OR1J2: variants seen among roughly 807,000 people sequenced by gnomAD.
The protein encoded by OR1J2 is olfactory receptor 1J2.
For missense variants in OR1J2, 304 were observed against 246.1 expected (o/e 1.24, Z -1.57); for synonymous variants, 142 against 99.7 (o/e 1.42, Z -2.52).
chr9:122,495,849 C>CT, the OR1J2 span, among the ~76,000 whole-genome samples: 2 of 152,096 alleles, frequency 1.3e-5, no homozygotes, highest in Non-Finnish European at 2.9e-5. Flanking sequence ...TCAAGGGCTG[C>CT]TGTTCAGATT....
At position 122,511,576 on chromosome 9, in the gene OR1J2, T is replaced by A; in HGVS notation, c.775T>A (p.Tyr259Asn). 1.3e-6 allele frequency: 1 copy of A among 781,104 alleles called. No individual in the cohort carries two copies. The allele number at this position is 781,104 out of a possible 1,614,324, so 48.4% of individuals were successfully genotyped here. A position where few individuals can be genotyped will look rare whatever the true frequency, so the allele number is the denominator to read the frequency against. Residue 259 changes from tyrosine (Y) to asparagine (N), a missense_variant, in exon 1 of 1, where the codon TAC becomes AAC. Physicochemically the swap from Tyr to Asn is moderately radical, Grantham distance 143. Coordinates refer to ENST00000335302, the MANE Select transcript of OR1J2 (RefSeq NM_054107.1). ...SLYYGSIFGQ[Y>N]LFPTVSSSID... The stretch of plus-strand genomic sequence containing the variant: ...CTATTATGGGTCAATATTTGGCCAG[T>A]ACCTTTTCCCGACTGTAAGCAGTTC...
At chr9:122,478,127 T>C in the OR1J2 span, among the ~76,000 whole-genome samples, 1 of 152,214 alleles carries the variant, frequency 6.6e-6, no homozygotes, top group African/African-American at 2.4e-5. Context: ...ATAGCTACTT[T>C]CTTTCTGAAT....
At chr9:122,507,964 G>A (rs546660379), upstream of OR1J2, among the ~76,000 whole-genome samples, 5 of 152,160 alleles carry the variant, frequency 3.3e-5, no homozygotes, top group South Asian at 2.1e-4. Flanking sequence ...TCTGAGATTC[G>A]CAAGAGTTAA....
chr9:122,484,655 A>C, the OR1J2 span, among the ~76,000 whole-genome samples: 5 of 152,136 alleles, frequency 3.3e-5, no homozygotes, highest in African/African-American at 1.2e-4. Context: ...CCATTTAAAG[A>C]AGGGGCAAAA....
the OR1J2 span, among the ~76,000 whole-genome samples, chr9:122,492,147 TCCTC>T: frequency 3.9e-5 from 6 of 152,036 alleles, no homozygotes; most frequent in Non-Finnish European, 8.8e-5. Context: ...AACTGTTGCC[TCCTC>T]CCTCCCTCCC....
At chr9:122,567,592 C>CT in the OR1J2 span, 1 of 1,607,750 alleles carries the variant, frequency 6.2e-7, no homozygotes, top group Non-Finnish European at 8.5e-7. Context: ...TGTTTCAGGT[C>CT]TTTGTTTCTC....
At chr9:122,497,296 C>G in the OR1J2 span, among the ~76,000 whole-genome samples, 4 of 152,318 alleles carry the variant, frequency 2.6e-5, no homozygotes, top group Non-Finnish European at 5.9e-5. Flanking sequence ...GCTTCTCTGT[C>G]CATCAGAGTG....
chr9:122,514,731 C>G (rs1437140167), downstream of OR1J2, among the ~76,000 whole-genome samples: 1 of 152,186 alleles, frequency 6.6e-6, no homozygotes, highest in Admixed American at 6.5e-5. Flanking sequence ...AGAAAAATCT[C>G]TATAGACATC....
the OR1J2 span, among the ~76,000 whole-genome samples, chr9:122,455,242 A>C: frequency 3.9e-5 from 6 of 152,334 alleles, no homozygotes; most frequent in African/African-American, 1.4e-4. Context: ...ATCTAGGGGT[A>C]GAGTTGCTAG....
the OR1J2 span, among the ~76,000 whole-genome samples, chr9:122,453,954 TG>T: frequency 6.6e-6 from 1 of 152,160 alleles, no homozygotes; most frequent in Non-Finnish European, 1.5e-5. Context: ...AGTGCTACAG[TG>T]AATCAGCATG....
At chr9:122,492,750 A>G in the OR1J2 span, among the ~76,000 whole-genome samples, 1 of 152,282 alleles carries the variant, frequency 6.6e-6, no homozygotes, top group African/African-American at 2.4e-5. Flanking sequence ...ACTATGTTGA[A>G]TAGAAGTGAT....
the OR1J2 span, chr9:122,552,999 A>G: frequency 3.3e-6 from 2 of 603,922 alleles, no homozygotes; most frequent in Non-Finnish European, 5.9e-6. Context: ...TTGAATGGAT[A>G]TTATCTTAAC....
At chr9:122,525,289 T>G in the OR1J2 span, among the ~76,000 whole-genome samples, 1 of 152,172 alleles carries the variant, frequency 6.6e-6, no homozygotes, top group Admixed American at 6.5e-5. Context: ...AACAGTTTGA[T>G]TCCATGAAAG....
the OR1J2 span, chr9:122,527,000 T>C: frequency 1.2e-6 from 2 of 1,614,118 alleles, no homozygotes; most frequent in Non-Finnish European, 1.7e-6. Flanking sequence ...AGAAATACAT[T>C]TGCGTGAGGC....
At chr9:122,548,601 A>G in the OR1J2 span, among the ~76,000 whole-genome samples, 1 of 151,550 alleles carries the variant, frequency 6.6e-6, no homozygotes, top group Non-Finnish European at 1.5e-5. Flanking sequence ...ATATATATAT[A>G]TTTTTATTAT....
the OR1J2 span, among the ~76,000 whole-genome samples, chr9:122,479,196 G>A: frequency 1.3e-5 from 2 of 152,166 alleles, no homozygotes; most frequent in South Asian, 2.1e-4. Context: ...GTATGTCTAA[G>A]GAGCATTGGC....
At chr9:122,481,224 A>G in the OR1J2 span, among the ~76,000 whole-genome samples, 1 of 152,196 alleles carries the variant, frequency 6.6e-6, no homozygotes, top group Non-Finnish European at 1.5e-5. Context: ...TAGTTTGCTA[A>G]GCATAATGGA....
the OR1J2 span, among the ~76,000 whole-genome samples, chr9:122,471,124 CA>C: frequency 0.011 from 1,608 of 152,120 alleles, 34 homozygotes; most frequent in African/African-American, 0.037. Flanking sequence ...TTGGAGGGGC[CA>C]GGGGTGGAAT....
At chr9:122,502,467 T>G in the OR1J2 span, among the ~76,000 whole-genome samples, 1 of 152,202 alleles carries the variant, frequency 6.6e-6, no homozygotes, top group Non-Finnish European at 1.5e-5. Context: ...AGGATGCTTG[T>G]CTGGAGGAAT....
Sources: gnomAD v4.1 joint callset for allele counts (sites outside exome capture counted in the v4.1 genomes callset) on GRCh38, gnomAD v4.1.1 for gene constraint, MANE v1.5 for transcripts, NCBI Gene and HGNC (gene_info 2026-07-23, HGNC 2026-07-21) for gene names.